Variants in FGF14 observed in about 807,000 individuals in gnomAD.
FGF14 encodes fibroblast growth factor 14.
FGF14 carries 5 observed loss-of-function variants against 25.5 expected under a neutral mutation model. The observed-to-expected ratio is 0.20, with a 90% confidence interval of 0.10 to 0.41. The LOEUF is 0.41. Ranked by LOEUF, FGF14 falls within the 10% of genes least tolerant of loss-of-function variation. The pLI is 1.00. For missense variants in FGF14, 222 were observed against 320.1 expected, an observed-to-expected ratio of 0.69 and a Z score of 2.34; for synonymous variants, 138 against 118.3, an observed-to-expected ratio of 1.17 and a Z score of -1.08.
chr13:102,316,480 TA>T (rs1449455368), intron 1 of FGF14, among the ~76,000 whole-genome samples: 2 of 152,204 alleles, frequency 1.3e-5, no homozygotes, highest in African/African-American at 4.8e-5. Flanking sequence ...GAATAATTTT[TA>T]AAAGGGAGGA....
chr13:102,329,439 C>T (rs2056567030), intron 1 of FGF14, among the ~76,000 whole-genome samples: 1 of 152,176 alleles, frequency 6.6e-6, no homozygotes, highest in African/African-American at 2.4e-5. Context: ...GTGAGCAGGA[C>T]TCAATGTGAG....
chr13:102,181,417 C>T (rs1051902383), intron 1 of FGF14, among the ~76,000 whole-genome samples: 39 of 152,006 alleles, frequency 2.6e-4, no homozygotes. Flanking sequence ...TCCCTGATAC[C>T]CATGAATGTG....
intron 1 of FGF14, among the ~76,000 whole-genome samples, chr13:101,998,200 T>A (rs2039292117): frequency 6.6e-6 from 1 of 152,144 alleles, no homozygotes; most frequent in Non-Finnish European, 1.5e-5. Context: ...ATGAAAGATA[T>A]CCTTAGAAGG....
At chr13:102,027,504 C>A (rs948492287) in intron 1 of FGF14, among the ~76,000 whole-genome samples, 1 of 151,910 alleles carries the variant, frequency 6.6e-6, no homozygotes, top group Non-Finnish European at 1.5e-5. Flanking sequence ...TTTTACACAC[C>A]ATGTTGCAAA....
intron 1 of FGF14, among the ~76,000 whole-genome samples, chr13:102,211,426 G>A (rs913433963): frequency 3.3e-5 from 5 of 152,126 alleles, no homozygotes; most frequent in African/African-American, 1.2e-4. Flanking sequence ...GAATTGATGT[G>A]TTCATATGAT....
intron 2 of FGF14, among the ~76,000 whole-genome samples, chr13:101,872,217 A>G (rs1295964856): frequency 1.3e-5 from 2 of 151,584 alleles, no homozygotes; most frequent in Admixed American, 6.6e-5. Flanking sequence ...CTAGTTATGG[A>G]TAACTAACCC....
chr13:102,106,030 C>T (rs2044893118), intron 1 of FGF14, among the ~76,000 whole-genome samples: 1 of 152,078 alleles, frequency 6.6e-6, no homozygotes, highest in African/African-American at 2.4e-5. Flanking sequence ...CCACCTATAG[C>T]ATTTACATTC....
chr13:101,908,743 T>A (rs2032554700), intron 1 of FGF14, among the ~76,000 whole-genome samples: 1 of 152,186 alleles, frequency 6.6e-6, no homozygotes, highest in Admixed American at 6.5e-5. Context: ...AAAACTACTT[T>A]AAAGTTCATG....
intron 3 of FGF14, among the ~76,000 whole-genome samples, chr13:101,791,979 C>A (rs1329172666): frequency 6.6e-6 from 1 of 152,072 alleles, no homozygotes; most frequent in Non-Finnish European, 1.5e-5. Context: ...ATGTACTACC[C>A]AATGAACATA....
chr13:102,273,345 A>G (rs1224721945), intron 1 of FGF14, among the ~76,000 whole-genome samples: 1 of 152,134 alleles, frequency 6.6e-6, no homozygotes. Flanking sequence ...AATCCACAAC[A>G]TGTAATTTCC....
At chr13:102,068,951 C>G (rs1416562229) in intron 1 of FGF14, among the ~76,000 whole-genome samples, 2 of 152,124 alleles carry the variant, frequency 1.3e-5, no homozygotes, top group Non-Finnish European at 2.9e-5. Context: ...CTGGTGGGGA[C>G]GTGGAGAGTC....
chr13:101,824,574 G>C (rs1325885860), intron 3 of FGF14, among the ~76,000 whole-genome samples: 1 of 152,022 alleles, frequency 6.6e-6, no homozygotes, highest in African/African-American at 2.4e-5. Context: ...TATGATTTTT[G>C]ATTAAAAAAT....
rs1227967707 is a variant in FGF14, at chr13:101,720,751, A to T, written c.*2080T>A. 6.6e-6 allele frequency: 1 copy of T among 152,120 alleles called. No homozygotes were observed. The highest frequency in any genetic ancestry group is 1.5e-5 in the Non-Finnish European group (1 of 68,014). 9.4% of individuals were successfully genotyped at this position (152,120 alleles called of 1,614,324 possible). On this transcript the variant is annotated 3_prime_UTR_variant, in exon 5 of 5. Transcript: ENST00000376143. ...ATTTTAACTGTTCCTGTTAAAAACA[A>T]TAGGCTTCAAGATGACATAACACCA...
intron 1 of FGF14, among the ~76,000 whole-genome samples, chr13:102,148,586 A>G (rs1301283412): frequency 1.3e-5 from 2 of 152,288 alleles, no homozygotes; most frequent in African/African-American, 4.8e-5. Flanking sequence ...AGCCAGGCAG[A>G]TTGCCTGAGC....
intron 1 of FGF14, among the ~76,000 whole-genome samples, chr13:102,174,510 T>A (rs1225484976): frequency 6.6e-6 from 1 of 151,450 alleles, no homozygotes; most frequent in Non-Finnish European, 1.5e-5. Flanking sequence ...GAGAACCAAA[T>A]CAAAAACTCA....
chr13:102,039,700 A>G (rs192231414), intron 1 of FGF14, among the ~76,000 whole-genome samples: 1 of 152,250 alleles, frequency 6.6e-6, no homozygotes, highest in East Asian at 1.9e-4. Flanking sequence ...CTAAGACCCA[A>G]TTTCCACATA....
chr13:102,284,350 G>A (rs546692566), intron 1 of FGF14, among the ~76,000 whole-genome samples: 49 of 152,274 alleles, frequency 3.2e-4, no homozygotes, highest in Non-Finnish European at 4.7e-4. Flanking sequence ...TGACGGGAAT[G>A]ACTTAGGGTT....
At chr13:102,015,557 C>T (rs1027649031) in intron 1 of FGF14, among the ~76,000 whole-genome samples, 3 of 152,108 alleles carry the variant, frequency 2.0e-5, no homozygotes, top group Non-Finnish European at 2.9e-5. Context: ...TCATGGTAGG[C>T]TGTTTCTAAG....
At chr13:102,144,559 A>G (rs1279051774) in intron 1 of FGF14, among the ~76,000 whole-genome samples, 1 of 112,712 alleles carries the variant, frequency 8.9e-6, no homozygotes, top group African/African-American at 3.3e-5. Context: ...TATAAATAAA[A>G]GAGAATAGAG....
Sources: gnomAD v4.1 joint callset for allele counts (sites outside exome capture counted in the v4.1 genomes callset) on GRCh38, gnomAD v4.1.1 for gene constraint, MANE v1.5 for transcripts, NCBI Gene and HGNC (gene_info 2026-07-23, HGNC 2026-07-21) for gene names.